The following PC variants were observed in gnomAD, a reference collection of about 807,000 sequenced individuals.
PC encodes pyruvate carboxylase, mitochondrial.
In PC, 46 loss-of-function variants were observed where a neutral mutation model predicts 107.8. The ratio of observed to expected loss-of-function variants is 0.43; its 90% CI spans 0.34 to 0.55. PC has a LOEUF of 0.55. Among genes scored for constraint, PC ranks in the 20% least tolerant of loss-of-function variants. The pLI, the probability that PC is intolerant of heterozygous loss-of-function variation, is 0.04. For synonymous variants in PC, 662 were observed against 684.7 expected, an observed-to-expected ratio of 0.97 and a Z score of 0.52; for missense variants, 1,241 against 1,643.1, an observed-to-expected ratio of 0.76 and a Z score of 4.23.
In PC at chr11:66,931,384, GAA is replaced by G. The variant is rs60081578; in HGVS notation, c.-1+21044_-1+21045del. Among the ~76,000 whole-genome samples the G allele has an allele frequency of 3.2e-3, 272 of 84,940 alleles. 2 individuals are homozygous for G. In the East Asian group the frequency reaches 0.04, roughly 12 times the overall value. The allele number at this position is 84,940 out of a possible 152,430, so 55.7% of individuals were successfully genotyped here. A position where few individuals can be genotyped will look rare whatever the true frequency, so the allele number is the denominator to read the frequency against. On this transcript the variant is annotated intron_variant, in intron 3 of 22. Coordinates refer to ENST00000393960, the MANE Select transcript of PC (RefSeq NM_001040716.2). Reference sequence around the variant, plus strand: ...GCAGAGTGGCAAGATTCCATCTCAAGAAAAAAAAAAAAAAAAAAAAAAGGAAT... The same window carrying G: ...GCAGAGTGGCAAGATTCCATCTCAAGAAAAAAAAAAAAAAAAAAAAGGAAT...
At chr11:66,944,305 G>A (rs1342770775) in intron 3 of PC, among the ~76,000 whole-genome samples, 2 of 108,302 alleles carry the variant, frequency 1.8e-5, no homozygotes, top group African/African-American at 6.8e-5. Context: ...CAGGCCGGCC[G>A]CAATGGCTCA....
intron 3 of PC, among the ~76,000 whole-genome samples, chr11:66,894,586 C>G (rs1947684345): frequency 6.6e-6 from 1 of 152,244 alleles, no homozygotes; most frequent in African/African-American, 2.4e-5. Flanking sequence ...CAGCCTGGGT[C>G]TGGAGCAGGC....
chr11:66,956,759 T>A (rs1293581335), intron 1 of PC, among the ~76,000 whole-genome samples: 2 of 152,296 alleles, frequency 1.3e-5, no homozygotes, highest in South Asian at 4.1e-4. Flanking sequence ...TTCTCCTCTC[T>A]CTCGCTTTAG....
At position 66,853,135 on chromosome 11, in the gene PC, G is replaced by A. The variant is rs531057245; in HGVS notation, c.1513+104C>T. On this transcript the variant is annotated intron_variant, in intron 13 of 22. Coordinates refer to ENST00000393960, the MANE Select transcript of PC (RefSeq NM_001040716.2). ...TGAGGGCAGGGGTGAGGGGCAGGGG[G>A]CACTAAGGAGTTCTTTGGTCATGGG... 1.6e-4 allele frequency: 212 copies of A among 1,303,588 alleles called. 2 individuals are homozygous for A. In the Admixed American group the frequency reaches 3.9e-3, roughly 24 times the overall value. The allele number at this position is 1,303,588 out of a possible 1,614,324, so 80.8% of individuals were successfully genotyped here. A position where few individuals can be genotyped will look rare whatever the true frequency, so the allele number is the denominator to read the frequency against.
At chr11:66,876,665 A>G (rs138510592) in intron 3 of PC, among the ~76,000 whole-genome samples, 2,941 of 152,262 alleles carry the variant, frequency 0.019, 44 homozygotes, top group South Asian at 0.043. Context: ...GCTCCAGGCG[A>G]GTTATCGGAT....
chr11:66,870,735 C>G lies in PC; in HGVS notation c.751+40G>C, dbSNP rs755486548. On this transcript the variant is annotated intron_variant, in intron 8 of 22. Transcript: ENST00000393960. The surrounding 1 kb of genome is among the most constrained non-coding windows in gnomAD (Gnocchi z 6.1). ...CACCAGGACTGGGCCTCTCAGCTCC[C>G]GCCTCCAGCTGCCCCAGGCGGGGCG... 1 of 1,569,322 alleles carries G rather than the reference C, an allele frequency of 6.4e-7. No homozygotes were observed.
chr11:66,941,931 C>T lies in PC; in HGVS notation c.-1+10499G>A, dbSNP rs188631897. Among the ~76,000 whole-genome samples, 813 of 151,906 alleles carry T rather than the reference C, an allele frequency of 5.4e-3. 6 individuals carry two copies. The highest frequency in any genetic ancestry group is 0.018 in the African/African-American group (767 of 41,470). ...CAGCCTGACCAACATGGGGAAACCC[C>T]GTCTCTAATAAAAATATAAAATTAG... On this transcript the variant is annotated intron_variant, in intron 3 of 22. Transcript: ENST00000393960.
chr11:66,945,945 G>T, intron 3 of PC, among the ~76,000 whole-genome samples: 1 of 150,916 alleles, frequency 6.6e-6, no homozygotes, highest in Non-Finnish European at 1.5e-5. Context: ...AATTAGCAGG[G>T]CGCGGTGGCG....
intron 3 of PC, among the ~76,000 whole-genome samples, chr11:66,924,369 C>CAAAAAAAAAAAA (rs71045970): frequency 0.055 from 3,606 of 65,248 alleles, 157 homozygotes; most frequent in East Asian, 0.07. Flanking sequence ...CCATCTCTAC[C>CAAAAAAAAAAAA]AAAAAAAAAA....
At position 66,906,218 on chromosome 11, in the gene PC, A is replaced by C. The variant is rs184430452; in HGVS notation, c.1-34059T>G. Among the ~76,000 whole-genome samples the C allele has an allele frequency of 2.6e-5, 4 of 152,308 alleles. No homozygotes were observed. The East Asian group carries it at 7.7e-4, about 29-fold the overall frequency. Reference sequence around the variant, plus strand: ...CCGCCTAAAAAGTATGCATTCATTCATTCAGTCACTTCTGAACGAGCCTTT... The same window carrying C: ...CCGCCTAAAAAGTATGCATTCATTCCTTCAGTCACTTCTGAACGAGCCTTT... On this transcript the variant is annotated intron_variant, in intron 3 of 22. Coordinates refer to ENST00000393960, the MANE Select transcript of PC (RefSeq NM_001040716.2).
At chr11:66,938,891 C>T (rs953164120) in intron 3 of PC, among the ~76,000 whole-genome samples, 4 of 152,140 alleles carry the variant, frequency 2.6e-5, no homozygotes, top group Non-Finnish European at 5.9e-5. Flanking sequence ...TCTGCTATCA[C>T]CTCATATGTT....
At chr11:66,903,739 G>C (rs1363522886) in intron 3 of PC, among the ~76,000 whole-genome samples, 9 of 94,034 alleles carry the variant, frequency 9.6e-5, no homozygotes, top group African/African-American at 4.1e-4. Flanking sequence ...CAGAGTGAGA[G>C]ACTCCATCTC....
rs768233469 is a variant in PC, at chr11:66,860,226, G to GCT, written c.1368+3547_1368+3548insAG. ...GGGCAGCTTCCTGTGTGCTCCAAGG[G>GCT]ATGAGCCTCGTGGGGCAGAGGGCCC... On this transcript the variant is annotated intron_variant, in intron 12 of 22. Transcript: ENST00000393960. The GCT allele has an allele frequency of 8.8e-5, 135 of 1,539,864 alleles. No individual in the cohort carries two copies. The African/African-American group carries it at 1.8e-3, about 20-fold the overall frequency.
Position 66,929,954 on chromosome 11 carries a change from A to T in PC, c.-1+22476T>A, listed in dbSNP as rs143289990. ...CTAGATGGCATTTGCAGAACTAGGC[A>T]AACCTGAGCTTCAGTTTTCAAAGCC... is the stretch of plus-strand genomic sequence containing the variant. On this transcript the variant is annotated intron_variant, in intron 3 of 22. Transcript: ENST00000393960. Among the ~76,000 whole-genome samples, 7 of 152,320 alleles carry T rather than the reference A, an allele frequency of 4.6e-5. No homozygotes were observed. In the East Asian group the frequency reaches 1.3e-3, roughly 29 times the overall value.
At chr11:66,907,033 C>T (rs1209769953) in intron 3 of PC, among the ~76,000 whole-genome samples, 7 of 152,318 alleles carry the variant, frequency 4.6e-5, no homozygotes, top group East Asian at 3.9e-4. Flanking sequence ...AGGACTGAGC[C>T]GGCTGGGGAG....
chr11:66,872,595 C>T (rs1169733837), intron 3 of PC, among the ~76,000 whole-genome samples: 2 of 151,744 alleles, frequency 1.3e-5, no homozygotes, highest in South Asian at 2.1e-4. Flanking sequence ...ATTAGCCGGG[C>T]GTGGTGGCGG....
At chr11:66,862,083 G>GT (rs1946288066) in intron 12 of PC, among the ~76,000 whole-genome samples, 2 of 152,172 alleles carry the variant, frequency 1.3e-5, no homozygotes, top group Non-Finnish European at 2.9e-5. Context: ...GGTCACCCCT[G>GT]TGCATGGCCA....
intron 11 of PC, among the ~76,000 whole-genome samples, chr11:66,865,779 C>G (rs928121361): frequency 8.5e-5 from 13 of 152,142 alleles, no homozygotes; most frequent in Non-Finnish European, 1.5e-4. Context: ...TGGGCCCAGT[C>G]CTTTGCCACC....
intron 3 of PC, among the ~76,000 whole-genome samples, chr11:66,924,369 C>CAAAAAAAAAAAAAAA (rs71045970): frequency 2.0e-3 from 134 of 65,534 alleles, no homozygotes; most frequent in African/African-American, 3.2e-3. Flanking sequence ...CCATCTCTAC[C>CAAAAAAAAAAAAAAA]AAAAAAAAAA....
Sources: gnomAD v4.1 joint callset for allele counts (sites outside exome capture counted in the v4.1 genomes callset) on GRCh38, gnomAD v4.1.1 for gene constraint, Gnocchi (gnomAD v3.1) non-coding constraint, MANE v1.5 for transcripts, NCBI Gene and HGNC (gene_info 2026-07-23, HGNC 2026-07-21) for gene names.